Variants in HCN1 observed in about 807,000 individuals in gnomAD.
The protein encoded by HCN1 is hyperpolarization activated cyclic nucleotide gated potassium channel 1, also known as potassium/sodium hyperpolarization-activated cyclic nucleotide-gated channel 1.
HCN1 carries 13 observed loss-of-function variants against 78.9 expected under a neutral mutation model. The observed-to-expected ratio is 0.16, with a 90% CI of 0.11 to 0.26. The LOEUF (loss-of-function observed/expected upper bound fraction) is 0.26. HCN1 is among the 10% of genes least tolerant of loss of function. HCN1 has a pLI of 1.00. For missense variants in HCN1, 810 were observed against 1,154.3 expected (o/e 0.70, Z 4.32); for synonymous variants, 552 against 455.5 (o/e 1.21, Z -2.70).
intron 2 of HCN1, among the ~76,000 whole-genome samples, chr5:45,606,367 TAATTAAA>T (rs1744727666): frequency 6.6e-6 from 1 of 151,486 alleles, no homozygotes; most frequent in African/African-American, 2.4e-5. Flanking sequence ...AAAGAAAAAA[TAATTAAA>T]AATAGGAAAA....
At chr5:45,680,908 C>G (rs1296001203) in intron 1 of HCN1, among the ~76,000 whole-genome samples, 1 of 151,992 alleles carries the variant, frequency 6.6e-6, no homozygotes, top group Non-Finnish European at 1.5e-5. Flanking sequence ...AATTCTTACC[C>G]TTTTTGAAGC....
At chr5:45,573,819 A>T (rs976712940) in intron 2 of HCN1, among the ~76,000 whole-genome samples, 1 of 152,170 alleles carries the variant, frequency 6.6e-6, no homozygotes, top group African/African-American at 2.4e-5. Flanking sequence ...TCTGAAAAAA[A>T]GTATTTACAT....
At chr5:45,444,507 T>C (rs888695522) in intron 3 of HCN1, among the ~76,000 whole-genome samples, 4 of 152,148 alleles carry the variant, frequency 2.6e-5, no homozygotes, top group African/African-American at 4.8e-5. Flanking sequence ...ATTGAAGTTA[T>C]AGTCACAAAA....
At chr5:45,327,306 A>G (rs925644398) in intron 5 of HCN1, among the ~76,000 whole-genome samples, 1 of 151,784 alleles carries the variant, frequency 6.6e-6, no homozygotes, top group African/African-American at 2.4e-5. Flanking sequence ...TATTAAGAGA[A>G]TATCACCGAT....
intron 2 of HCN1, among the ~76,000 whole-genome samples, chr5:45,620,510 G>A (rs1329669541): frequency 6.6e-6 from 1 of 151,422 alleles, no homozygotes; most frequent in African/African-American, 2.4e-5. Context: ...AGTATCAGAA[G>A]ACAAATACGG....
intron 4 of HCN1, among the ~76,000 whole-genome samples, chr5:45,354,876 T>C (rs1385373672): frequency 1.3e-5 from 2 of 152,022 alleles, no homozygotes; most frequent in Non-Finnish European, 2.9e-5. Context: ...CTCAGAAATA[T>C]GAAGAGCAGC....
intron 2 of HCN1, among the ~76,000 whole-genome samples, chr5:45,553,221 A>AT (rs1420416405): frequency 1.3e-5 from 2 of 151,868 alleles, no homozygotes; most frequent in East Asian, 3.9e-4. Context: ...ATCCAGACAG[A>AT]TGTTGTCACA....
chr5:45,379,120 C>A (rs1254560427), intron 4 of HCN1, among the ~76,000 whole-genome samples: 2 of 152,052 alleles, frequency 1.3e-5, no homozygotes, highest in African/African-American at 4.8e-5. Context: ...GATTTATAAT[C>A]CTTTGGGTAT....
chr5:45,618,242 A>G (rs114394506), intron 2 of HCN1, among the ~76,000 whole-genome samples: 154 of 152,100 alleles, frequency 1.0e-3, no homozygotes, highest in African/African-American at 3.7e-3. Context: ...CCTGGAAGAT[A>G]CGGGTGTGTG....
At chr5:45,350,095 C>T (rs974693910) in intron 5 of HCN1, among the ~76,000 whole-genome samples, 1 of 152,136 alleles carries the variant, frequency 6.6e-6, no homozygotes, top group African/African-American at 2.4e-5. Flanking sequence ...AGACCAATAT[C>T]CTTGATGAAC....
At chr5:45,291,550 T>G (rs1322752261) in intron 6 of HCN1, among the ~76,000 whole-genome samples, 1 of 152,014 alleles carries the variant, frequency 6.6e-6, no homozygotes, top group Non-Finnish European at 1.5e-5. Flanking sequence ...CTTTTTTATT[T>G]TATTTATTTT....
chr5:45,433,465 A>G, intron 3 of HCN1, among the ~76,000 whole-genome samples: 1 of 151,770 alleles, frequency 6.6e-6, no homozygotes, highest in Non-Finnish European at 1.5e-5. Context: ...GTCTCTGGGT[A>G]TCGCTGCACA....
intron 2 of HCN1, among the ~76,000 whole-genome samples, chr5:45,556,888 T>A (rs1464173018): frequency 1.3e-5 from 2 of 151,888 alleles, no homozygotes; most frequent in Non-Finnish European, 2.9e-5. Context: ...AAAGATGGAG[T>A]TCATCTTTTG....
chr5:45,337,525 C>T (rs1181563336), intron 5 of HCN1, among the ~76,000 whole-genome samples: 1 of 152,070 alleles, frequency 6.6e-6, no homozygotes, highest in Non-Finnish European at 1.5e-5. Flanking sequence ...AGATGATTTG[C>T]CAAGTAGGTA....
At chr5:45,307,627 G>T in intron 5 of HCN1, among the ~76,000 whole-genome samples, 1 of 152,060 alleles carries the variant, frequency 6.6e-6, no homozygotes, top group East Asian at 1.9e-4. Flanking sequence ...AAAATATTTG[G>T]CCAGTTCTAA....
At chr5:45,502,527 A>G (rs532375483) in intron 2 of HCN1, among the ~76,000 whole-genome samples, 10 of 152,300 alleles carry the variant, frequency 6.6e-5, no homozygotes, top group African/African-American at 2.2e-4. Context: ...CTCACTAGCC[A>G]TGTACAAGTT....
chr5:45,373,014 T>A (rs1747456113), intron 4 of HCN1, among the ~76,000 whole-genome samples: 1 of 137,278 alleles, frequency 7.3e-6, no homozygotes, highest in Non-Finnish European at 1.5e-5. Context: ...TTATATAAAA[T>A]ATATATATTT....
chr5:45,324,614 A>G (rs576582115), intron 5 of HCN1, among the ~76,000 whole-genome samples: 1 of 151,960 alleles, frequency 6.6e-6, no homozygotes, highest in Non-Finnish European at 1.5e-5. Context: ...ACTTGAAGAG[A>G]CAGGTGAAAA....
At chr5:45,546,460 C>T (rs1743230653) in intron 2 of HCN1, among the ~76,000 whole-genome samples, 1 of 151,892 alleles carries the variant, frequency 6.6e-6, no homozygotes. Context: ...AGAAATTCTA[C>T]AATGACACCT....
Sources: allele counts gnomAD v4.1 joint callset (sites outside exome capture counted in the v4.1 genomes callset), GRCh38; gene constraint gnomAD v4.1.1; transcripts MANE v1.5; gene names NCBI Gene and HGNC (gene_info 2026-07-23, HGNC 2026-07-21).